FAM107B: variants seen among roughly 807,000 people sequenced by gnomAD.
The protein encoded by FAM107B is family with sequence similarity 107 member B, also known as protein FAM107B.
In FAM107B, 21 loss-of-function variants were observed where a neutral mutation model predicts 31.5. The ratio of observed to expected loss-of-function variants is 0.67; its 90% CI spans 0.47 to 0.96. The LOEUF (loss-of-function observed/expected upper bound fraction) is 0.96. FAM107B is among the 40% of genes least tolerant of loss of function. The pLI, the probability that FAM107B is intolerant of heterozygous loss-of-function variation, is 0.00. For missense variants in FAM107B, 452 were observed against 377.1 expected, an observed-to-expected ratio of 1.20 and a Z score of -1.64; for synonymous variants, 157 against 141.5, an observed-to-expected ratio of 1.11 and a Z score of -0.78.
intron 1 of FAM107B, among the ~76,000 whole-genome samples, chr10:14,762,536 C>T (rs1833070922): frequency 6.6e-6 from 1 of 152,160 alleles, no homozygotes; most frequent in African/African-American, 2.4e-5. Flanking sequence ...AGGCAGATCA[C>T]CTGAGGCCGG....
chr10:14,623,126 T>C (rs1853059592), intron 2 of FAM107B, among the ~76,000 whole-genome samples: 1 of 152,366 alleles, frequency 6.6e-6, no homozygotes, highest in African/African-American at 2.4e-5. Context: ...TGATTTTGAT[T>C]ATCACAACCC....
chr10:14,748,432 A>G (rs989531129), intron 1 of FAM107B, among the ~76,000 whole-genome samples: 19 of 152,302 alleles, frequency 1.2e-4, no homozygotes, highest in African/African-American at 4.3e-4. Context: ...CTCCCAATCT[A>G]GATGCTGATG....
At chr10:14,692,801 A>G (rs1334205527) in intron 1 of FAM107B, among the ~76,000 whole-genome samples, 2 of 152,320 alleles carry the variant, frequency 1.3e-5, no homozygotes, top group South Asian at 4.1e-4. Flanking sequence ...GTCTTGCTGC[A>G]CGGGCCGGGG....
rs1832942991 is a variant in FAM107B, at chr10:14,756,943, A to G, written c.411+17310T>C. Reference sequence around the variant, plus strand: ...CCAAATATCGTGTGTTCTTACTTATAAGTGGGAGCTAAATGATGAGAACAC... The same window carrying G: ...CCAAATATCGTGTGTTCTTACTTATGAGTGGGAGCTAAATGATGAGAACAC... On this transcript the variant is annotated intron_variant, in intron 1 of 4. Coordinates refer to ENST00000181796, the MANE Select transcript of FAM107B (RefSeq NM_031453.4). 1.3e-5 allele frequency among the ~76,000 whole-genome samples: 2 copies of G among 152,202 alleles called. 1 individual carries two copies. The highest frequency in any genetic ancestry group is 4.1e-4 in the South Asian group (2 of 4,832).
intron 1 of FAM107B, among the ~76,000 whole-genome samples, chr10:14,771,409 G>A (rs563997770): frequency 1.3e-5 from 2 of 152,280 alleles, no homozygotes; most frequent in East Asian, 1.9e-4. Flanking sequence ...TCGAGTATTC[G>A]ATAGTACGGT....
At chr10:14,583,717 A>G (rs915013310) in intron 2 of FAM107B, among the ~76,000 whole-genome samples, 13 of 144,916 alleles carry the variant, frequency 9.0e-5, no homozygotes, top group African/African-American at 3.7e-4. Context: ...AAGGAGGGGG[A>G]AAAGTTGACA....
At chr10:14,592,552 T>C (rs1375338419) in intron 2 of FAM107B, among the ~76,000 whole-genome samples, 1 of 152,234 alleles carries the variant, frequency 6.6e-6, no homozygotes, top group East Asian at 1.9e-4. Context: ...CCAGGGGTTT[T>C]GTAGTTTGGC....
intron 2 of FAM107B, among the ~76,000 whole-genome samples, chr10:14,583,272 G>C (rs893754205): frequency 6.6e-6 from 1 of 152,118 alleles, no homozygotes; most frequent in Non-Finnish European, 1.5e-5. Flanking sequence ...AGAGAGAAGA[G>C]GACATATCCC....
chr10:14,619,475 T>A (rs1290817240), intron 2 of FAM107B, among the ~76,000 whole-genome samples: 1 of 152,208 alleles, frequency 6.6e-6, no homozygotes, highest in African/African-American at 2.4e-5. Flanking sequence ...CATCCATATA[T>A]CTTCCTTAGC....
chr10:14,585,148 C>A (rs1564587409), intron 2 of FAM107B, among the ~76,000 whole-genome samples: 1 of 152,196 alleles, frequency 6.6e-6, no homozygotes, highest in African/African-American at 2.4e-5. Flanking sequence ...CTATGCCCAG[C>A]CCGCTCCCAC....
intron 2 of FAM107B, among the ~76,000 whole-genome samples, chr10:14,600,760 C>A (rs1852367743): frequency 6.6e-6 from 1 of 152,178 alleles, no homozygotes; most frequent in South Asian, 2.1e-4. Flanking sequence ...CTGCTTCAGC[C>A]TCCAGGGTAG....
chr10:14,725,043 A>G (rs906118720), intron 1 of FAM107B, among the ~76,000 whole-genome samples: 9 of 152,250 alleles, frequency 5.9e-5, no homozygotes, highest in Admixed American at 1.3e-4. Flanking sequence ...TTAGATTTCC[A>G]CAAAAATAAA....
At chr10:14,716,416 A>G (rs1288926718) in intron 1 of FAM107B, among the ~76,000 whole-genome samples, 1 of 152,194 alleles carries the variant, frequency 6.6e-6, no homozygotes, top group Non-Finnish European at 1.5e-5. Context: ...GGGCCTCTCC[A>G]CAGGGCTGCT....
At chr10:14,637,432 C>G (rs1308032731) in intron 2 of FAM107B, among the ~76,000 whole-genome samples, 1 of 152,058 alleles carries the variant, frequency 6.6e-6, no homozygotes, top group Non-Finnish European at 1.5e-5. Flanking sequence ...CCCAGGAGTT[C>G]GAGACCAGCC....
At chr10:14,559,118 C>G in intron 2 of FAM107B, among the ~76,000 whole-genome samples, 1 of 112,308 alleles carries the variant, frequency 8.9e-6, no homozygotes, top group East Asian at 2.4e-4. Flanking sequence ...AAAAAAAAAA[C>G]AAAAAAAAAA....
intron 2 of FAM107B, among the ~76,000 whole-genome samples, chr10:14,567,796 A>G (rs7092057): frequency 0.77 from 116,816 of 152,168 alleles, 45,411 homozygotes; most frequent in Middle Eastern, 0.86. Context: ...TCTGGTGAGT[A>G]GGATCTCTGG....
At position 14,701,764 on chromosome 10, in the gene FAM107B, A is replaced by G. The variant is rs1311795067; in HGVS notation, c.412-34073T>C. Among the ~76,000 whole-genome samples, 3 of 151,920 alleles carry G rather than the reference A, an allele frequency of 2.0e-5. No individual in the cohort carries two copies. In the East Asian group the frequency reaches 5.8e-4, roughly 30 times the overall value. On this transcript the variant is annotated intron_variant, in intron 1 of 4. Transcript: ENST00000181796. ...ATGGCGGACAGAGGCATTGTATGAT[A>G]TCAAACCTGTAACCTTTGGAAACAA...
intron 1 of FAM107B, among the ~76,000 whole-genome samples, chr10:14,765,731 A>G (rs973040778): frequency 2.0e-5 from 3 of 152,228 alleles, no homozygotes; most frequent in South Asian, 2.1e-4. Context: ...GTCAAACAAT[A>G]TGTTTAACAG....
At chr10:14,605,815 G>A (rs1852573665) in intron 2 of FAM107B, among the ~76,000 whole-genome samples, 1 of 152,138 alleles carries the variant, frequency 6.6e-6, no homozygotes, top group Non-Finnish European at 1.5e-5. Flanking sequence ...CCAAAACCTA[G>A]GATCCAGCCT....
Sources: gnomAD v4.1 joint callset for allele counts (sites outside exome capture counted in the v4.1 genomes callset) on GRCh38, gnomAD v4.1.1 for gene constraint, MANE v1.5 for transcripts, NCBI Gene and HGNC (gene_info 2026-07-23, HGNC 2026-07-21) for gene names.